E2F7: variants seen among roughly 807,000 people sequenced by gnomAD.
E2F7 encodes the protein transcription factor E2F7.
A neutral mutation model predicts 81.1 loss-of-function variants in E2F7; 35 were observed. The ratio of observed to expected loss-of-function variants is 0.43; its 90% CI spans 0.33 to 0.57. The LOEUF is 0.57. Ranked by LOEUF, E2F7 falls within the 20% of genes least tolerant of loss-of-function variation. The pLI is 0.04. For synonymous variants in E2F7, 416 were observed against 416.2 expected (o/e 1.00, Z 0.01); for missense variants, 961 against 1,093.7 (o/e 0.88, Z 1.71).
At chr12:77,025,497 G>T in intron 12 of E2F7, 61 bp downstream of exon 12, 1 of 1,566,306 alleles carries the variant, frequency 6.4e-7, no homozygotes, top group Non-Finnish European at 8.7e-7. Context: ...TAAAATGAAA[G>T]CTAAACACAG....
intron 3 of E2F7, among the ~76,000 whole-genome samples, chr12:77,052,233 A>G (rs747570711): frequency 6.6e-6 from 1 of 152,214 alleles, no homozygotes; most frequent in African/African-American, 2.4e-5. Flanking sequence ...TGCAATCTCA[A>G]TAAAATCCAA....
chr12:77,027,267 G>A (rs1954767544), intron 11 of E2F7, among the ~76,000 whole-genome samples: 1 of 152,016 alleles, frequency 6.6e-6, no homozygotes, highest in South Asian at 2.1e-4. Context: ...TCTGTATTTC[G>A]GCTTTAATAC....
rs561597381 is a variant in E2F7, at chr12:77,030,875, G to A, written c.1383-543C>T. The stretch of plus-strand genomic sequence containing the variant: ...TCAGTGACTGTGAGAGACGCTGGGA[G>A]AGTAACAGAGACTGGACTTTGATTT... On this transcript the variant is annotated intron_variant, in intron 9 of 12. Transcript: ENST00000322886. Among the ~76,000 whole-genome samples, 24 of 152,278 alleles carry A rather than the reference G, an allele frequency of 1.6e-4. No homozygotes were observed. The East Asian group carries it at 4.5e-3, about 28-fold the overall frequency.
chr12:77,029,694 A>C (rs567208746), intron 10 of E2F7, 137 bp downstream of exon 10: 1 of 1,387,512 alleles, frequency 7.2e-7, no homozygotes, highest in Admixed American at 2.5e-5. Context: ...GAGCCACTCC[A>C]GTGCTTAATT....
intron 9 of E2F7, among the ~76,000 whole-genome samples, chr12:77,031,072 C>T (rs1954802594): frequency 6.6e-6 from 1 of 152,126 alleles, no homozygotes; most frequent in South Asian, 2.1e-4. Context: ...AATTAAGTCC[C>T]ATAAATGTAC....
At chr12:77,054,338 C>A (rs10862981) in intron 3 of E2F7, among the ~76,000 whole-genome samples, 30,281 of 150,964 alleles carry the variant, frequency 0.2, 3,521 homozygotes, top group East Asian at 0.56. Context: ...TACACACACA[C>A]AAAAAAATCA....
At chr12:77,028,521 G>A (rs1360389617) in intron 10 of E2F7, among the ~76,000 whole-genome samples, 2 of 151,130 alleles carry the variant, frequency 1.3e-5, no homozygotes, top group African/African-American at 2.4e-5. Context: ...AGGCTGGAGT[G>A]CAGTGGCGCG....
intron 7 of E2F7, among the ~76,000 whole-genome samples, chr12:77,036,744 AT>A (rs35187102): frequency 0.049 from 6,610 of 135,990 alleles, 234 homozygotes; most frequent in East Asian, 0.13. Flanking sequence ...AGAATTCTCC[AT>A]TTTTTTTTTT....
At chr12:77,061,984 T>C (rs1955082342) in intron 2 of E2F7, among the ~76,000 whole-genome samples, 1 of 152,204 alleles carries the variant, frequency 6.6e-6, no homozygotes. Flanking sequence ...CATGAATTTA[T>C]TTCCTCCTCT....
Position 77,029,931 on chromosome 12 carries a change from C to T in E2F7, c.1784G>A (p.Arg595His), listed in dbSNP as rs370152085. The change falls in exon 10 of 13, where the codon CGC becomes CAC. Residue 595 changes from arginine to histidine, a missense_variant. Coordinates refer to ENST00000322886, the MANE Select transcript of E2F7 (RefSeq NM_203394.3). ...CTGAGGTTTCCTCTCCTCACAGAGG[C>T]GCTTCTGAGCTGAGGGTGCAGATGA... ...ELSSAPSAQK[R>H]LCEERKPQEE... 72 of 1,614,210 alleles carry T rather than the reference C, an allele frequency of 4.5e-5. No individual in the cohort carries two copies. The highest frequency in any genetic ancestry group is 3.3e-4 in the Middle Eastern group (2 of 6,062).
chr12:77,046,453 G>A, intron 4 of E2F7, 125 bp from the exon 5 acceptor site: 1 of 986,100 alleles, frequency 1.0e-6, no homozygotes, highest in Non-Finnish European at 1.4e-6. Context: ...CCCACTGCGT[G>A]GATGCTCAAG....
At chr12:77,025,418 A>T in intron 12 of E2F7, 140 bp downstream of exon 12, 1 of 864,012 alleles carries the variant, frequency 1.2e-6, no homozygotes. Flanking sequence ...AAAGGAGCAG[A>T]TAACTCTAGG....
intron 2 of E2F7, among the ~76,000 whole-genome samples, chr12:77,057,131 C>T (rs1955039909): frequency 6.6e-6 from 1 of 152,052 alleles, no homozygotes; most frequent in South Asian, 2.1e-4. Flanking sequence ...CAGCTAACTG[C>T]AGCCTCAAAC....
At chr12:77,035,915 T>TG (rs57340838) in intron 7 of E2F7, among the ~76,000 whole-genome samples, 1 of 124,174 alleles carries the variant, frequency 8.1e-6, no homozygotes, top group Non-Finnish European at 1.7e-5. Context: ...AAAAATACAG[T>TG]GGGGGGATGA....
In E2F7 at chr12:77,024,043, A is replaced by C. The variant is rs1954736943; in HGVS notation, c.2708T>G (p.Leu903Arg). The C allele has an allele frequency of 1.2e-6, 2 of 1,613,634 alleles. No homozygotes were observed. Among genetic ancestry groups the C allele is most frequent in the Admixed American group, 1.7e-5 (1 of 59,968 alleles). Residue 903 changes from leucine to arginine, a missense_variant, in exon 13 of 13, where the codon CTA becomes CGA. Around this residue, in one of 3 missense-constraint regions of E2F7, gnomAD observed 587 missense variants for 620.3 expected, o/e 0.95. Coordinates refer to ENST00000322886, the MANE Select transcript of E2F7 (RefSeq NM_203394.3). Reference sequence around the variant, plus strand: ...GTCAGCGCCGCCGCTGGGGATTTCTAGTCTCCTCTGGGCCGAGCTGGTGTT... The same window carrying C: ...GTCAGCGCCGCCGCTGGGGATTTCTCGTCTCCTCTGGGCCGAGCTGGTGTT... ...SRNTSSAQRR[L>R]EIPSGGAD is the part of the protein sequence containing the mutation.
intron 6 of E2F7, 47 bp from the exon 7 acceptor site, chr12:77,043,246 T>A (rs370116438): frequency 6.2e-7 from 1 of 1,610,030 alleles, no homozygotes; most frequent in African/African-American, 1.3e-5. Context: ...TGTGACACCA[T>A]GACAGTTTAG....
intron 7 of E2F7, among the ~76,000 whole-genome samples, chr12:77,041,890 A>G (rs570874169): frequency 1.3e-5 from 2 of 152,354 alleles, no homozygotes; most frequent in East Asian, 3.9e-4. Flanking sequence ...AAGGATAAAT[A>G]AAGATAATGT....
In E2F7 at chr12:77,064,653, A is replaced by G. The variant is rs1955103339; in HGVS notation, c.1-18T>C. 6.2e-7 allele frequency: 1 copy of G among 1,604,000 alleles called. No individual in the cohort carries two copies. The highest frequency in any genetic ancestry group is 8.5e-7 in the Non-Finnish European group (1 of 1,174,260). Reference sequence around the variant, plus strand: ...ACCTCCATCTGTAATGCACAATTACACTAGAAAATGATTTTGCAATTAGGT... The same window carrying G: ...ACCTCCATCTGTAATGCACAATTACGCTAGAAAATGATTTTGCAATTAGGT... On this transcript the variant is annotated intron_variant, in intron 1 of 12. Coordinates refer to ENST00000322886, the MANE Select transcript of E2F7 (RefSeq NM_203394.3).
intron 7 of E2F7, among the ~76,000 whole-genome samples, chr12:77,037,381 A>C (rs568914659): frequency 3.5e-4 from 53 of 152,310 alleles, no homozygotes; most frequent in African/African-American, 1.3e-3. Flanking sequence ...ACTTGAGCTC[A>C]GGAATTCGAG....
Sources: gnomAD v4.1 joint callset for allele counts (sites outside exome capture counted in the v4.1 genomes callset) on GRCh38, gnomAD v4.1.1 for gene constraint, gnomAD v4.1.1 regional missense constraint, MANE v1.5 for transcripts, NCBI Gene and HGNC (gene_info 2026-07-23, HGNC 2026-07-21) for gene names.